Variants in UBE2W observed in about 807,000 individuals in gnomAD.
The protein encoded by UBE2W is ubiquitin-conjugating enzyme E2 W.
A neutral mutation model predicts 27.2 loss-of-function variants in UBE2W; 18 were observed. That is an observed-to-expected ratio of 0.66 (90% confidence interval 0.46 to 0.98). UBE2W has a LOEUF of 0.98. Among genes scored for constraint, UBE2W ranks in the 50% least tolerant of loss-of-function variants. The probability of loss-of-function intolerance (pLI) is 0.00; values close to 1 mark genes in which losing one functional copy is unlikely to be tolerated. For missense variants in UBE2W, 90 were observed against 180.2 expected (o/e 0.50, Z 2.87); for synonymous variants, 53 against 57.2 (o/e 0.93, Z 0.33).
rs1811002722 is a variant in UBE2W at position 73,849,940 on chromosome 8, GAT to G, written c.16-19470_16-19469del. On this transcript the variant is annotated intron_variant, in intron 1 of 5. Transcript: ENST00000602593. ...ATAAAAGATAGAATAACTATATAAT[GAT>G]ATAGTCACCATGAGCATAAAACCTG... Among the ~76,000 whole-genome samples the G allele has an allele frequency of 6.6e-5, 10 of 152,172 alleles. No individual in the cohort carries two copies. The South Asian group carries it at 1.9e-3, about 28-fold the overall frequency.
chr8:73,791,303 C>T lies in UBE2W; in HGVS notation c.*2799G>A. 1.0e-6 allele frequency: 1 copy of T among 981,340 alleles called. No individual in the cohort carries two copies. Among genetic ancestry groups the T allele is most frequent in the South Asian group, 4.7e-5 (1 of 21,228 alleles). 60.8% of individuals were successfully genotyped at this position (981,340 alleles called of 1,614,324 possible). A position where few individuals can be genotyped will look rare whatever the true frequency, so the allele number is the denominator to read the frequency against. ...AAAAGAAGGGCATCATGTTCATGATCTAAGCATGCATAAATAAGGAAGCAA... is the reference window on the plus strand; with the variant it reads ...AAAAGAAGGGCATCATGTTCATGATTTAAGCATGCATAAATAAGGAAGCAA... On this transcript the variant is annotated 3_prime_UTR_variant, in exon 6 of 6. Transcript: ENST00000602593.
At chr8:73,852,284 G>A (rs1170856601) in intron 1 of UBE2W, among the ~76,000 whole-genome samples, 1 of 152,134 alleles carries the variant, frequency 6.6e-6, no homozygotes, top group Non-Finnish European at 1.5e-5. Context: ...TGAATCCAAT[G>A]TATGTACATG....
intron 3 of UBE2W, among the ~76,000 whole-genome samples, chr8:73,812,515 A>AT (rs1247378468): frequency 3.3e-5 from 5 of 152,214 alleles, no homozygotes; most frequent in African/African-American, 1.2e-4. Context: ...TTTTTCATAA[A>AT]TATGAACTAT....
chr8:73,861,918 T>C (rs368999621), intron 1 of UBE2W, among the ~76,000 whole-genome samples: 1 of 152,234 alleles, frequency 6.6e-6, no homozygotes, highest in Admixed American at 6.5e-5. Flanking sequence ...TGGGTGGTCT[T>C]TGACAGAACT....
At position 73,792,392 on chromosome 8, in the gene UBE2W, G is replaced by C; in HGVS notation, c.*1710C>G. ...TTTCTATAGCAGACATATTTTTGAA[G>C]TCTACCCACCCCTGAGTTCAGCAAT... On this transcript the variant is annotated 3_prime_UTR_variant, in exon 6 of 6. Transcript: ENST00000602593. The C allele has an allele frequency of 2.0e-6, 2 of 985,368 alleles. No homozygotes were observed. Among genetic ancestry groups the C allele is most frequent in the Non-Finnish European group, 2.4e-6 (2 of 829,738 alleles). 61.0% of individuals were successfully genotyped at this position (985,368 alleles called of 1,614,324 possible).
downstream of UBE2W, among the ~76,000 whole-genome samples, chr8:73,783,145 A>T (rs1204442947): frequency 6.6e-6 from 1 of 152,240 alleles, no homozygotes; most frequent in Non-Finnish European, 1.5e-5. Context: ...AAGTTCTTTA[A>T]AAATTATAAA....
chr8:73,870,317 A>C (rs1374563720), intron 1 of UBE2W: 3 of 1,573,730 alleles, frequency 1.9e-6, no homozygotes, highest in East Asian at 2.3e-5. Context: ...AATACAAAGA[A>C]AGACCTCATG....
Position 73,792,790 on chromosome 8 carries a change from AT to A in UBE2W, c.*1311del, listed in dbSNP as rs911386663. On this transcript the variant is annotated 3_prime_UTR_variant, in exon 6 of 6. Transcript: ENST00000602593. Reference sequence around the variant, plus strand: ...GTACTGAGAACTGGACCTTTCAACAATTTTTTTTTTCTATAGAAAGTTTCAT... The same window carrying A: ...GTACTGAGAACTGGACCTTTCAACAATTTTTTTTTCTATAGAAAGTTTCAT... The A allele has an allele frequency of 4.2e-5, 40 of 951,138 alleles. No individual in the cohort carries two copies. Among genetic ancestry groups the A allele is most frequent in the Non-Finnish European group, 4.5e-5 (36 of 799,466 alleles). 58.9% of individuals were successfully genotyped at this position (951,138 alleles called of 1,614,324 possible). A position where few individuals can be genotyped will look rare whatever the true frequency, so the allele number is the denominator to read the frequency against.
intron 1 of UBE2W, 43 bp downstream of exon 1, chr8:73,878,765 C>G: frequency 6.6e-7 from 1 of 1,506,898 alleles, no homozygotes; most frequent in Non-Finnish European, 9.0e-7. Flanking sequence ...GGCACTCTCT[C>G]GGCGGCTCCC....
chr8:73,795,439 T>C (rs575177215), intron 5 of UBE2W, among the ~76,000 whole-genome samples: 3 of 152,198 alleles, frequency 2.0e-5, no homozygotes, highest in Non-Finnish European at 4.4e-5. Context: ...AAAAGCTTCC[T>C]GAGGCCTCAC....
At chr8:73,830,655 T>G (rs1252262547) in intron 1 of UBE2W, among the ~76,000 whole-genome samples, 183 bp from the exon 2 acceptor site, 1 of 151,104 alleles carries the variant, frequency 6.6e-6, no homozygotes, top group Non-Finnish European at 1.5e-5. Flanking sequence ...CCCAGCTAAT[T>G]TTTTTTTTGG....
chr8:73,859,047 A>C (rs1047389728), intron 1 of UBE2W, among the ~76,000 whole-genome samples: 1 of 150,056 alleles, frequency 6.7e-6, no homozygotes, highest in African/African-American at 2.5e-5. Context: ...TTTTGGTGAG[A>C]GTCTTCTAAA....
intron 3 of UBE2W, 50 bp from the exon 4 acceptor site, chr8:73,810,679 A>G (rs908945119): frequency 5.0e-6 from 7 of 1,403,658 alleles, no homozygotes; most frequent in Non-Finnish European, 5.7e-6. Context: ...CTACTACCAA[A>G]AACTAAAATA....
chr8:73,860,513 T>A (rs754222011), intron 1 of UBE2W, among the ~76,000 whole-genome samples: 2 of 152,054 alleles, frequency 1.3e-5, no homozygotes, highest in South Asian at 2.1e-4. Context: ...AAAAATCTAA[T>A]AAAGACAAAG....
intron 3 of UBE2W, among the ~76,000 whole-genome samples, chr8:73,822,146 T>C (rs971582268): frequency 1.3e-5 from 2 of 152,102 alleles, no homozygotes; most frequent in East Asian, 1.9e-4. Context: ...GTTAATGACA[T>C]TGAAGGCACC....
intron 1 of UBE2W, among the ~76,000 whole-genome samples, chr8:73,867,814 C>T (rs2130987546): frequency 6.6e-6 from 1 of 152,028 alleles, no homozygotes; most frequent in Admixed American, 6.6e-5. Flanking sequence ...CATCATTAGC[C>T]ATTAGTGAAA....
chr8:73,780,387 T>TAATG (rs1807819683), exon 5 of UBE2W: 1 of 416,400 alleles, frequency 2.4e-6, no homozygotes, highest in Non-Finnish European at 4.8e-6. Context: ...TCACCTCAAC[T>TAATG]AATGACATCT....
At chr8:73,798,263 C>T (rs1808504507) in intron 5 of UBE2W, among the ~76,000 whole-genome samples, 1 of 152,144 alleles carries the variant, frequency 6.6e-6, no homozygotes, top group South Asian at 2.1e-4. Context: ...TACCACTGCA[C>T]TCCAGCCTAA....
In UBE2W at chr8:73,786,697, C is replaced by T. The variant is rs1194667584; in HGVS notation, c.*7405G>A. ...ACAAGGTTTGTGGACAGCTGAAGAGCAGCCTAGGGACACCAAGGCCAGGTA... is the reference window on the plus strand; with the variant it reads ...ACAAGGTTTGTGGACAGCTGAAGAGTAGCCTAGGGACACCAAGGCCAGGTA... On this transcript the variant is annotated 3_prime_UTR_variant, in exon 6 of 6. Transcript: ENST00000602593. 5 of 985,266 alleles carry T rather than the reference C, an allele frequency of 5.1e-6. No homozygotes were observed. Among genetic ancestry groups the T allele is most frequent in the Non-Finnish European group, 2.4e-6 (2 of 829,940 alleles). 61.0% of individuals were successfully genotyped at this position (985,266 alleles called of 1,614,324 possible).
Sources: allele counts gnomAD v4.1 joint callset (sites outside exome capture counted in the v4.1 genomes callset), GRCh38; gene constraint gnomAD v4.1.1; transcripts MANE v1.5; gene names NCBI Gene and HGNC (gene_info 2026-07-23, HGNC 2026-07-21).